The following EREG variants were observed in gnomAD, a reference collection of about 807,000 sequenced individuals.
EREG encodes the protein proepiregulin.
A neutral mutation model predicts 22.4 loss-of-function variants in EREG; 23 were observed. The observed-to-expected ratio is 1.03, with a 90% confidence interval of 0.74 to 1.46. The LOEUF (loss-of-function observed/expected upper bound fraction) is 1.46. EREG is among the 40% of genes most tolerant of loss of function. EREG has a pLI of 0.00. For missense variants in EREG, 226 were observed against 205.9 expected (o/e 1.10, Z -0.60); for synonymous variants, 100 against 75.4 (o/e 1.33, Z -1.69).
At chr4:74,370,919 T>C (rs1752278779) in intron 1 of EREG, among the ~76,000 whole-genome samples, 1 of 152,180 alleles carries the variant, frequency 6.6e-6, no homozygotes, top group Non-Finnish European at 1.5e-5. Flanking sequence ...ATGAGTCTAA[T>C]GCAGGGTTTT....
intron 1 of EREG, among the ~76,000 whole-genome samples, chr4:74,367,046 A>C (rs946433271): frequency 2.0e-5 from 3 of 152,204 alleles, no homozygotes; most frequent in African/African-American, 7.2e-5. Flanking sequence ...TTTCCTAAAA[A>C]TACTTTTCCC....
intron 1 of EREG, among the ~76,000 whole-genome samples, chr4:74,379,091 G>A (rs1190718181): frequency 6.6e-6 from 1 of 152,138 alleles, no homozygotes. Flanking sequence ...GTCTGATTAG[G>A]AGCATTTCTC....
chr4:74,378,809 A>T (rs1263146792), intron 1 of EREG, among the ~76,000 whole-genome samples: 3 of 152,206 alleles, frequency 2.0e-5, no homozygotes, highest in African/African-American at 4.8e-5. Context: ...ATGATGAAAC[A>T]GCTGATTCAG....
intron 4 of EREG, among the ~76,000 whole-genome samples, chr4:74,384,410 A>G (rs1309282110): frequency 6.6e-6 from 1 of 152,194 alleles, no homozygotes; most frequent in East Asian, 1.9e-4. Context: ...AAAGAGAGAC[A>G]GAAAAAGAAA....
intron 1 of EREG, among the ~76,000 whole-genome samples, chr4:74,365,885 G>A (rs564593327): frequency 7.2e-5 from 11 of 152,276 alleles, no homozygotes; most frequent in African/African-American, 2.6e-4. Context: ...GTATGCGCCA[G>A]TGCCAGTTGG....
At chr4:74,365,418 A>G (rs1752160354) in intron 1 of EREG, 43 bp downstream of exon 1, 4 of 1,576,268 alleles carry the variant, frequency 2.5e-6, no homozygotes, top group Non-Finnish European at 8.7e-7. Context: ...CAAAGAGGAG[A>G]CAAATAAGGA....
chr4:74,384,651 T>G (rs950402677), intron 4 of EREG, 76 bp from the exon 5 acceptor site: 2 of 777,598 alleles, frequency 2.6e-6, no homozygotes, highest in Admixed American at 1.8e-5. Flanking sequence ...AATGTGCCTT[T>G]GGAGTCCATA....
Position 74,387,663 on chromosome 4 carries a change from G to C in EREG, c.*2855G>C, listed in dbSNP as rs1346904003. On this transcript the variant is annotated 3_prime_UTR_variant, in exon 5 of 5. Transcript: ENST00000244869. ...TCTCAGCTGATGTGTCCTGTACACA[G>C]TGGGAAGATTTTAGTTCACACTTAG... 1.3e-5 allele frequency: 2 copies of C among 152,174 alleles called. No individual in the cohort carries two copies. Among genetic ancestry groups the C allele is most frequent in the African/African-American group, 4.8e-5 (2 of 41,440 alleles). The allele number at this position is 152,174 out of a possible 1,614,324, so 9.4% of individuals were successfully genotyped here.
chr4:74,385,662 A>T lies in EREG; in HGVS notation c.*854A>T, dbSNP rs993503944. ...GAAGCCTAAATTTGTGCTTTTTAAG[A>T]ATATTTTTAGACTATTTCTTTTTAT... On this transcript the variant is annotated 3_prime_UTR_variant, in exon 5 of 5. Coordinates refer to ENST00000244869, the MANE Select transcript of EREG (RefSeq NM_001432.3). 2.8e-6 allele frequency: 1 copy of T among 356,508 alleles called. No homozygotes were observed. Among genetic ancestry groups the T allele is most frequent in the Non-Finnish European group, 5.0e-6 (1 of 199,708 alleles). The allele number at this position is 356,508 out of a possible 1,614,324, so 22.1% of individuals were successfully genotyped here.
At chr4:74,369,402 C>G (rs1049475003) in intron 1 of EREG, among the ~76,000 whole-genome samples, 2 of 152,030 alleles carry the variant, frequency 1.3e-5, no homozygotes, top group Non-Finnish European at 1.5e-5. Flanking sequence ...ACTCATAGTA[C>G]ACATAGTACA....
rs958661959 is a variant in EREG at position 74,388,701 on chromosome 4, G to A, written c.*3893G>A. 1.3e-5 allele frequency: 2 copies of A among 152,072 alleles called. No individual in the cohort carries two copies. Among genetic ancestry groups the A allele is most frequent in the Admixed American group, 1.3e-4 (2 of 15,256 alleles). 9.4% of individuals were successfully genotyped at this position (152,072 alleles called of 1,614,324 possible). A position where few individuals can be genotyped will look rare whatever the true frequency, so the allele number is the denominator to read the frequency against. On this transcript the variant is annotated 3_prime_UTR_variant, in exon 5 of 5. Transcript: ENST00000244869. ...TTTTTATTTATTTTTCTTGGGAATT[G>A]AAAAAAATTGAAATAAATAAAAATG...
rs1285649433 is a variant in EREG, at chr4:74,384,976, G to A, written c.*168G>A. 1.4e-5 allele frequency: 7 copies of A among 500,472 alleles called. No individual in the cohort carries two copies. The South Asian group carries it at 2.7e-4, about 20-fold the overall frequency. The allele number at this position is 500,472 out of a possible 1,614,324, so 31.0% of individuals were successfully genotyped here. A position where few individuals can be genotyped will look rare whatever the true frequency, so the allele number is the denominator to read the frequency against. On this transcript the variant is annotated 3_prime_UTR_variant, in exon 5 of 5. Coordinates refer to ENST00000244869, the MANE Select transcript of EREG (RefSeq NM_001432.3). ...TTGTTTTATTTTTGACAGACTATTT[G>A]CTAATGTATAATGTGCAGAAAATAT... is the stretch of plus-strand genomic sequence containing the variant.
Position 74,382,804 on chromosome 4 carries a change from T to C in EREG, c.428+10T>C, listed in dbSNP as rs989963872. On this transcript the variant is annotated intron_variant, in intron 4 of 4. Transcript: ENST00000244869. ...ATTATTTCTGCAGATGGTAAGTCAG[T>C]GTGGTTTTATACTCTGCTTTTACAA... is the stretch of plus-strand genomic sequence containing the variant. The C allele has an allele frequency of 1.9e-6, 3 of 1,606,110 alleles. No homozygotes were observed. Among genetic ancestry groups the C allele is most frequent in the Non-Finnish European group, 2.6e-6 (3 of 1,175,348 alleles).
chr4:74,375,622 C>T (rs1752369049), intron 1 of EREG, among the ~76,000 whole-genome samples: 2 of 152,016 alleles, frequency 1.3e-5, no homozygotes, highest in African/African-American at 4.8e-5. Context: ...AGCCACCGCG[C>T]CCGGCCTGAC....
intron 1 of EREG, among the ~76,000 whole-genome samples, chr4:74,376,632 A>G (rs80153065): frequency 0.075 from 11,440 of 152,272 alleles, 751 homozygotes; most frequent in African/African-American, 0.17. Flanking sequence ...TATTTTTTGT[A>G]GTTCCACAAG....
chr4:74,381,863 A>C (rs1196160394), intron 3 of EREG: 1 of 151,466 alleles, frequency 6.6e-6, no homozygotes, highest in Non-Finnish European at 1.5e-5. Context: ...CGGACGCCTG[A>C]AGTCCCAGCT....
chr4:74,385,026 T>C lies in EREG; in HGVS notation c.*218T>C. ...TTTAATATCAAAAGAAAATTGATAT[T>C]TTTATACAAGTAATTTCCTGAGCTA... On this transcript the variant is annotated 3_prime_UTR_variant, in exon 5 of 5. Transcript: ENST00000244869. The C allele has an allele frequency of 2.4e-6, 1 of 418,482 alleles. No individual in the cohort carries two copies. Among genetic ancestry groups the C allele is most frequent in the South Asian group, 4.9e-5 (1 of 20,610 alleles). The allele number at this position is 418,482 out of a possible 1,614,324, so 25.9% of individuals were successfully genotyped here.
At position 74,384,963 on chromosome 4, in the gene EREG, T is replaced by G. The variant is rs1752546260; in HGVS notation, c.*155T>G. The G allele has an allele frequency of 1.9e-6, 1 of 519,008 alleles. No homozygotes were observed. The highest frequency in any genetic ancestry group is 3.5e-6 in the Non-Finnish European group (1 of 286,246). 32.2% of individuals were successfully genotyped at this position (519,008 alleles called of 1,614,324 possible). A position where few individuals can be genotyped will look rare whatever the true frequency, so the allele number is the denominator to read the frequency against. On this transcript the variant is annotated 3_prime_UTR_variant, in exon 5 of 5. Coordinates refer to ENST00000244869, the MANE Select transcript of EREG (RefSeq NM_001432.3). Reference sequence around the variant, plus strand: ...AATGTTTTTATTTTTGTTTTATTTTTGACAGACTATTTGCTAATGTATAAT... The same window carrying G: ...AATGTTTTTATTTTTGTTTTATTTTGGACAGACTATTTGCTAATGTATAAT...
chr4:74,379,361 C>G, intron 1 of EREG, 87 bp from the exon 2 acceptor site: 1 of 806,954 alleles, frequency 1.2e-6, no homozygotes, highest in East Asian at 2.5e-5. Flanking sequence ...CAAAACAACT[C>G]TATAAGTACT....
Sources: allele counts gnomAD v4.1 joint callset (sites outside exome capture counted in the v4.1 genomes callset), GRCh38; gene constraint gnomAD v4.1.1; transcripts MANE v1.5; gene names NCBI Gene and HGNC (gene_info 2026-07-23, HGNC 2026-07-21).